The following PTPRJ variants were observed in gnomAD, a reference collection of about 807,000 sequenced individuals.
PTPRJ encodes receptor-type tyrosine-protein phosphatase eta.
Under a neutral mutation model 141.3 loss-of-function variants are expected in PTPRJ, and 129 were observed. The ratio of observed to expected loss-of-function variants is 0.91; its 90% confidence interval spans 0.79 to 1.06. The LOEUF is 1.06. PTPRJ is among the 50% of genes least tolerant of loss of function. PTPRJ has a pLI of 0.00. For missense variants in PTPRJ, 1,601 were observed against 1,679.7 expected (o/e 0.95, Z 0.82); for synonymous variants, 610 against 640.5 (o/e 0.95, Z 0.72).
chr11:48,071,028 G>C (rs940514044), intron 1 of PTPRJ, among the ~76,000 whole-genome samples: 2 of 152,146 alleles, frequency 1.3e-5, no homozygotes, highest in African/African-American at 2.4e-5. Flanking sequence ...ACAAATTGCT[G>C]TTAAAGTATA....
At chr11:48,105,168 C>T (rs982121971) in intron 1 of PTPRJ, among the ~76,000 whole-genome samples, 3 of 152,082 alleles carry the variant, frequency 2.0e-5, no homozygotes, top group Non-Finnish European at 4.4e-5. Context: ...CCTGAAGCAC[C>T]CCCAAGCCTC....
intron 1 of PTPRJ, among the ~76,000 whole-genome samples, chr11:47,991,246 C>A (rs1051673057): frequency 6.6e-6 from 1 of 151,994 alleles, no homozygotes; most frequent in Non-Finnish European, 1.5e-5. Flanking sequence ...TTCCTAGCCC[C>A]GAAGGAGCAC....
rs575668199 is a variant in PTPRJ at position 48,045,227 on chromosome 11, C to A, written c.96+64219C>A. On this transcript the variant is annotated intron_variant, in intron 1 of 24. Transcript: ENST00000418331. ...TTAGAACCTCTTTATTTTATCTCCT[C>A]ACTGGGAGAGTAGATCCCAGACAGG... Among the ~76,000 whole-genome samples the A allele has an allele frequency of 2.6e-5, 4 of 152,312 alleles. No homozygotes were observed. The South Asian group carries it at 8.3e-4, about 32-fold the overall frequency.
chr11:48,131,407 A>G (rs369757210), intron 8 of PTPRJ: 8 of 701,980 alleles, frequency 1.1e-5, no homozygotes, highest in African/African-American at 9.0e-5. Context: ...TATTTCTTTC[A>G]CAAACATTGA....
At chr11:48,110,261 C>T (rs980875812) in intron 2 of PTPRJ, among the ~76,000 whole-genome samples, 185 bp downstream of exon 2, 10 of 152,120 alleles carry the variant, frequency 6.6e-5, no homozygotes, top group African/African-American at 2.2e-4. Context: ...GGCTGGAGTG[C>T]AGTGGTGCCA....
At chr11:48,048,048 TGTC>T (rs1156789794) in intron 1 of PTPRJ, among the ~76,000 whole-genome samples, 1 of 152,220 alleles carries the variant, frequency 6.6e-6, no homozygotes, top group East Asian at 1.9e-4. Flanking sequence ...ATTTTTCAGT[TGTC>T]GTTGTCCATG....
intron 22 of PTPRJ, among the ~76,000 whole-genome samples, chr11:48,161,175 G>A (rs1289530393): frequency 3.2e-3 from 5 of 1,570 alleles, no homozygotes; most frequent in African/African-American, 0.012. Context: ...AGCAAGACCC[G>A]GTCTCAAAAA....
chr11:47,985,329 A>G (rs1173907807), intron 1 of PTPRJ, among the ~76,000 whole-genome samples: 2 of 150,808 alleles, frequency 1.3e-5, no homozygotes, highest in African/African-American at 4.9e-5. Flanking sequence ...TTTTTTTAAT[A>G]GAGATGGTGT....
chr11:48,157,330 G>A (rs547190870), intron 21 of PTPRJ, among the ~76,000 whole-genome samples: 1 of 152,292 alleles, frequency 6.6e-6, no homozygotes, highest in East Asian at 1.9e-4. Context: ...ATGAATTGAT[G>A]TGAAGAGAAC....
At chr11:48,033,032 A>G (rs926812371) in intron 1 of PTPRJ, among the ~76,000 whole-genome samples, 22 of 152,092 alleles carry the variant, frequency 1.4e-4, no homozygotes, top group African/African-American at 5.3e-4. Context: ...GGCTTGGGCA[A>G]CATAGTGAGA....
intron 3 of PTPRJ, among the ~76,000 whole-genome samples, chr11:48,113,756 A>G (rs1856496549): frequency 6.6e-6 from 1 of 152,186 alleles, no homozygotes. Flanking sequence ...CAGATTCTAT[A>G]TGATTTGGGA....
chr11:48,034,662 A>G (rs1854073289), intron 1 of PTPRJ, among the ~76,000 whole-genome samples: 1 of 152,176 alleles, frequency 6.6e-6, no homozygotes, highest in African/African-American at 2.4e-5. Flanking sequence ...TATTTTGCTC[A>G]TTTTGCAGGC....
intron 21 of PTPRJ, among the ~76,000 whole-genome samples, chr11:48,156,576 GTTTTTTTTTTTTTTTTT>G (rs1309516361): frequency 4.2e-4 from 2 of 4,762 alleles, no homozygotes; most frequent in South Asian, 9.1e-3. Flanking sequence ...CCACCCCAGG[GTTTTTTTTTTTTTTTTT>G]TTTTTTTTTT....
At position 48,167,601 on chromosome 11, in the gene PTPRJ, C is replaced by CTTT; in HGVS notation, c.*250_*252dup. On this transcript the variant is annotated 3_prime_UTR_variant, in exon 25 of 25. Coordinates refer to ENST00000418331, the MANE Select transcript of PTPRJ (RefSeq NM_002843.4). ...CCTGATGACCAATGGGATGAGGTCACTTTTTTTTTTTTTCCCCCTTGAGGA... is the reference window on the plus strand; with the variant it reads ...CCTGATGACCAATGGGATGAGGTCACTTTTTTTTTTTTTTTTCCCCCTTGAGGA... 4 of 297,484 alleles carry CTTT rather than the reference C, an allele frequency of 1.3e-5. No homozygotes were observed. The highest frequency in any genetic ancestry group is 9.2e-4 in the Middle Eastern group (1 of 1,086). 18.4% of individuals were successfully genotyped at this position (297,484 alleles called of 1,614,324 possible).
At chr11:47,991,993 G>C (rs1016337099) in intron 1 of PTPRJ, among the ~76,000 whole-genome samples, 2 of 152,042 alleles carry the variant, frequency 1.3e-5, no homozygotes, top group African/African-American at 4.8e-5. Context: ...TTATACTGTA[G>C]TTTACAAGGC....
intron 1 of PTPRJ, among the ~76,000 whole-genome samples, chr11:47,995,828 A>G (rs905543435): frequency 3.3e-5 from 5 of 152,236 alleles, no homozygotes; most frequent in Admixed American, 1.3e-4. Context: ...TCACGAGGTC[A>G]GGAGTTCAGG....
intron 1 of PTPRJ, among the ~76,000 whole-genome samples, chr11:48,061,531 C>T (rs1294911319): frequency 2.6e-5 from 4 of 152,178 alleles, no homozygotes; most frequent in Non-Finnish European, 5.9e-5. Flanking sequence ...AAGGGAGATA[C>T]TATCATGATC....
intron 1 of PTPRJ, among the ~76,000 whole-genome samples, chr11:48,046,925 T>C (rs1316952035): frequency 1.4e-5 from 2 of 141,328 alleles, no homozygotes; most frequent in Non-Finnish European, 3.1e-5. Context: ...TTTTTTTTTT[T>C]TTTTTTTTGA....
At chr11:47,981,116 G>T in intron 1 of PTPRJ, 108 bp downstream of exon 1, 1 of 1,094,384 alleles carries the variant, frequency 9.1e-7, no homozygotes, top group Non-Finnish European at 1.1e-6. Context: ...AAGGGGGCGG[G>T]GGTCCGGATC....
Sources: allele counts gnomAD v4.1 joint callset (sites outside exome capture counted in the v4.1 genomes callset), GRCh38; gene constraint gnomAD v4.1.1; transcripts MANE v1.5; gene names NCBI Gene and HGNC (gene_info 2026-07-23, HGNC 2026-07-21).